The following AOPEP variants were observed in gnomAD, a reference collection of about 807,000 sequenced individuals.
The protein encoded by AOPEP is aminopeptidase O.
In AOPEP, 77 loss-of-function variants were observed where a neutral mutation model predicts 98.1. That is an observed-to-expected ratio of 0.78 (90% confidence interval 0.65 to 0.95). The LOEUF is 0.95. Ranked by LOEUF, AOPEP falls within the 40% of genes least tolerant of loss-of-function variation. The pLI is 0.00. For missense variants in AOPEP, 1,024 were observed against 1,024.7 expected (o/e 1.00, Z 0.01); for synonymous variants, 346 against 365.3 (o/e 0.95, Z 0.60).
intron 1 of AOPEP, among the ~76,000 whole-genome samples, chr9:94,744,575 C>T (rs1216627698): frequency 6.6e-6 from 1 of 151,354 alleles, no homozygotes; most frequent in East Asian, 1.9e-4. Flanking sequence ...GTAGTGCATG[C>T]CTGTAATCCT....
chr9:94,975,374 T>C (rs1214525255), intron 10 of AOPEP, among the ~76,000 whole-genome samples: 1 of 152,250 alleles, frequency 6.6e-6, no homozygotes, highest in Non-Finnish European at 1.5e-5. Flanking sequence ...TTTATGCCTT[T>C]TCTTGGCAGT....
At chr9:94,810,463 C>T (rs536182927) in intron 5 of AOPEP, among the ~76,000 whole-genome samples, 45 of 151,828 alleles carry the variant, frequency 3.0e-4, no homozygotes, top group African/African-American at 5.1e-4. Flanking sequence ...TACAGGTGCG[C>T]GCCACCACAC....
At chr9:94,811,280 C>T (rs997603034) in intron 5 of AOPEP, among the ~76,000 whole-genome samples, 30 of 152,154 alleles carry the variant, frequency 2.0e-4, no homozygotes, top group Non-Finnish European at 1.9e-4. Flanking sequence ...TCTGGGCACA[C>T]CCACCTGGAA....
At chr9:95,009,601 T>TA (rs2062332961) in intron 13 of AOPEP, among the ~76,000 whole-genome samples, 1 of 152,226 alleles carries the variant, frequency 6.6e-6, no homozygotes, top group Non-Finnish European at 1.5e-5. Flanking sequence ...GGTTGGCTAT[T>TA]ACGTGTATTA....
At chr9:94,909,957 C>CT (rs1297976399) in intron 5 of AOPEP, among the ~76,000 whole-genome samples, 13 of 152,138 alleles carry the variant, frequency 8.5e-5, no homozygotes, top group Admixed American at 2.0e-4. Context: ...GATCGAGTGT[C>CT]TGGGGATTCC....
At chr9:94,950,041 A>G (rs2057986874) in intron 7 of AOPEP, among the ~76,000 whole-genome samples, 2 of 152,204 alleles carry the variant, frequency 1.3e-5, no homozygotes, top group South Asian at 2.1e-4. Context: ...AAGGGAGAGT[A>G]TAGGCTACAT....
chr9:94,839,681 A>G (rs888066378), intron 5 of AOPEP, among the ~76,000 whole-genome samples: 2 of 152,244 alleles, frequency 1.3e-5, no homozygotes, highest in Admixed American at 6.5e-5. Flanking sequence ...TCTAATCTAT[A>G]TGACTTTTTC....
intron 13 of AOPEP, among the ~76,000 whole-genome samples, chr9:95,041,856 G>A (rs1178957320): frequency 1.3e-5 from 2 of 152,104 alleles, no homozygotes; most frequent in South Asian, 2.1e-4. Context: ...CTATCTAGCC[G>A]CCTTTTCTCC....
At chr9:94,758,443 TG>T (rs925928873) in intron 1 of AOPEP, among the ~76,000 whole-genome samples, 18 of 152,040 alleles carry the variant, frequency 1.2e-4, no homozygotes, top group Non-Finnish European at 1.5e-4. Context: ...CTGAAATCAA[TG>T]GGATATTAAC....
chr9:94,885,180 C>T (rs923719341), intron 5 of AOPEP, among the ~76,000 whole-genome samples: 1 of 151,424 alleles, frequency 6.6e-6, no homozygotes, highest in African/African-American at 2.4e-5. Flanking sequence ...GGAACCCCAT[C>T]TCTACAAAAC....
chr9:94,941,338 C>T (rs1319096209), intron 7 of AOPEP, among the ~76,000 whole-genome samples: 1 of 152,254 alleles, frequency 6.6e-6, no homozygotes, highest in Non-Finnish European at 1.5e-5. Context: ...CTTAGAATTC[C>T]TGCCCTACAC....
intron 5 of AOPEP, among the ~76,000 whole-genome samples, chr9:94,852,516 A>G (rs1201336456): frequency 6.6e-6 from 1 of 152,220 alleles, no homozygotes; most frequent in East Asian, 1.9e-4. Context: ...TTGAATTGAC[A>G]GTGGGATCGG....
At chr9:94,778,410 G>A (rs1842624794) in intron 3 of AOPEP, among the ~76,000 whole-genome samples, 1 of 150,680 alleles carries the variant, frequency 6.6e-6, no homozygotes, top group African/African-American at 2.5e-5. Context: ...ACAAATTATG[G>A]TTTATTCACA....
At chr9:94,793,690 AG>A in intron 4 of AOPEP, among the ~76,000 whole-genome samples, 1 of 147,560 alleles carries the variant, frequency 6.8e-6, no homozygotes, top group African/African-American at 2.5e-5. Context: ...AAAAAAAAAA[AG>A]GAAAAAAGAA....
chr9:95,146,535 T>C, the AOPEP span, among the ~76,000 whole-genome samples: 1 of 140,320 alleles, frequency 7.1e-6, no homozygotes, highest in African/African-American at 2.7e-5. Flanking sequence ...ATAGTATTAA[T>C]AAAATGATTT....
At chr9:95,015,202 C>A (rs2062873997) in intron 13 of AOPEP, among the ~76,000 whole-genome samples, 1 of 152,090 alleles carries the variant, frequency 6.6e-6, no homozygotes, top group Admixed American at 6.5e-5. Context: ...TTAACTGAGT[C>A]CATTTTAGTG....
At chr9:95,116,396 A>C in the AOPEP span, among the ~76,000 whole-genome samples, 4 of 152,386 alleles carry the variant, frequency 2.6e-5, no homozygotes, top group Non-Finnish European at 2.9e-5. Flanking sequence ...ACCCTGGGCA[A>C]GAACCTACAT....
chr9:94,858,135 G>A (rs963728856), intron 5 of AOPEP, among the ~76,000 whole-genome samples: 3 of 151,510 alleles, frequency 2.0e-5, no homozygotes, highest in Non-Finnish European at 4.4e-5. Flanking sequence ...TTGTTACATC[G>A]TTTTGTCTTC....
intron 5 of AOPEP, among the ~76,000 whole-genome samples, chr9:94,901,097 TTTC>T (rs1253354612): frequency 7.1e-6 from 1 of 140,838 alleles, no homozygotes; most frequent in Non-Finnish European, 1.6e-5. Flanking sequence ...TGAAACATCA[TTTC>T]AGTAAGTGGT....
Sources: gnomAD v4.1 joint callset for allele counts (sites outside exome capture counted in the v4.1 genomes callset) on GRCh38, gnomAD v4.1.1 for gene constraint, MANE v1.5 for transcripts, NCBI Gene and HGNC (gene_info 2026-07-23, HGNC 2026-07-21) for gene names.